SIPA1L1: variants seen among roughly 807,000 people sequenced by gnomAD.
SIPA1L1 encodes the protein signal-induced proliferation-associated 1-like protein 1.
A neutral mutation model predicts 162.7 loss-of-function variants in SIPA1L1; 26 were observed. That is an observed-to-expected ratio of 0.16 (90% CI 0.12 to 0.22). The LOEUF (loss-of-function observed/expected upper bound fraction) is 0.22, where lower values mean the gene tolerates loss of function less well. SIPA1L1 is among the 10% of genes least tolerant of loss of function. SIPA1L1 has a pLI of 1.00. For synonymous variants in SIPA1L1, 829 were observed against 837.4 expected (o/e 0.99, Z 0.17); for missense variants, 1,874 against 2,241.0 (o/e 0.84, Z 3.31).
At chr14:71,331,474 A>T (rs753191942) in intron 2 of SIPA1L1, among the ~76,000 whole-genome samples, 1 of 152,230 alleles carries the variant, frequency 6.6e-6, no homozygotes, top group Admixed American at 6.5e-5. Flanking sequence ...GAGGCTACCA[A>T]TTGGCAAGGA....
intron 2 of SIPA1L1, among the ~76,000 whole-genome samples, chr14:71,364,918 G>A (rs986221284): frequency 3.3e-5 from 5 of 151,908 alleles, no homozygotes; most frequent in Admixed American, 3.3e-4. Context: ...GCTAATTTTT[G>A]TATTTTTAGT....
intron 2 of SIPA1L1, among the ~76,000 whole-genome samples, chr14:71,453,560 C>T (rs1297490014): frequency 6.6e-6 from 1 of 152,174 alleles, no homozygotes; most frequent in East Asian, 1.9e-4. Context: ...GCATTTGAGA[C>T]TTAAGTCTGA....
At chr14:71,710,743 G>A (rs1054400518) in intron 17 of SIPA1L1, among the ~76,000 whole-genome samples, 2 of 150,910 alleles carry the variant, frequency 1.3e-5, no homozygotes, top group Admixed American at 6.6e-5. Flanking sequence ...AGGAGGCAGA[G>A]GTTGCGGTGA....
chr14:71,462,216 T>C (rs796680978), intron 2 of SIPA1L1, among the ~76,000 whole-genome samples: 8 of 151,822 alleles, frequency 5.3e-5, no homozygotes, highest in African/African-American at 1.9e-4. Flanking sequence ...AAAAGGAGAG[T>C]AGTTACCTGC....
chr14:71,488,871 A>G (rs1467363543), intron 2 of SIPA1L1, among the ~76,000 whole-genome samples: 3 of 152,164 alleles, frequency 2.0e-5, no homozygotes, highest in African/African-American at 7.2e-5. Flanking sequence ...TTTTATACTG[A>G]GCACTCGGAA....
chr14:71,551,258 G>A (rs1199351751), intron 4 of SIPA1L1, among the ~76,000 whole-genome samples: 1 of 152,192 alleles, frequency 6.6e-6, no homozygotes, highest in Non-Finnish European at 1.5e-5. Context: ...TGTGTCTAGG[G>A]TAATGAGCTC....
chr14:71,618,640 A>G (rs564503990), intron 5 of SIPA1L1, 117 bp from the exon 6 acceptor site: 1 of 897,342 alleles, frequency 1.1e-6, no homozygotes, highest in African/African-American at 1.7e-5. Flanking sequence ...TATTTGTTAA[A>G]TGTTTACATT....
At chr14:71,699,517 G>A (rs539196380) in intron 14 of SIPA1L1, among the ~76,000 whole-genome samples, 2 of 152,166 alleles carry the variant, frequency 1.3e-5, no homozygotes, top group Non-Finnish European at 2.9e-5. Context: ...AAGACATAGG[G>A]CGTGTTCTAC....
intron 7 of SIPA1L1, among the ~76,000 whole-genome samples, chr14:71,646,070 GT>G (rs1247415577): frequency 6.6e-6 from 1 of 152,088 alleles, no homozygotes; most frequent in Admixed American, 6.5e-5. Flanking sequence ...TGAGAACTTG[GT>G]TATTCACATC....
intron 2 of SIPA1L1, among the ~76,000 whole-genome samples, chr14:71,434,587 G>A (rs1384091982): frequency 6.6e-6 from 1 of 151,944 alleles, no homozygotes; most frequent in Non-Finnish European, 1.5e-5. Context: ...TCTTTTGTTT[G>A]GTTTTGTTTG....
At position 71,376,058 on chromosome 14, in the gene SIPA1L1, G is replaced by A. The variant is rs1275557700; in HGVS notation, c.-465+54877G>A. ...GCATTATGCTATCCTTATAAAATGA[G>A]TTGGGCTTTGATCCCTTTTCTGTTT... On this transcript the variant is annotated intron_variant, in intron 2 of 23. Transcript: ENST00000381232. Among the ~76,000 whole-genome samples, 9 of 152,072 alleles carry A rather than the reference G, an allele frequency of 5.9e-5. No individual in the cohort carries two copies. The East Asian group carries it at 1.7e-3, about 29-fold the overall frequency.
intron 2 of SIPA1L1, among the ~76,000 whole-genome samples, chr14:71,384,175 G>C (rs2040135331): frequency 6.6e-6 from 1 of 152,226 alleles, no homozygotes; most frequent in African/African-American, 2.4e-5. Flanking sequence ...ATAAAGATCA[G>C]ATAAGTCCAA....
chr14:71,559,066 T>A (rs1019520082), intron 4 of SIPA1L1, among the ~76,000 whole-genome samples: 2 of 139,636 alleles, frequency 1.4e-5, no homozygotes, highest in African/African-American at 5.6e-5. Context: ...TCAGCTTTAC[T>A]TTTTTTTTTT....
chr14:71,467,605 A>G (rs759537532), intron 2 of SIPA1L1, among the ~76,000 whole-genome samples: 1 of 152,214 alleles, frequency 6.6e-6, no homozygotes, highest in Non-Finnish European at 1.5e-5. Context: ...TTGGTGCCAC[A>G]GCTTAAAAAC....
chr14:71,398,908 G>A (rs2041442147), intron 2 of SIPA1L1, among the ~76,000 whole-genome samples: 1 of 152,152 alleles, frequency 6.6e-6, no homozygotes, highest in South Asian at 2.1e-4. Flanking sequence ...TTTTTGCTCA[G>A]AACCTTATAC....
chr14:71,709,796 G>A, intron 17 of SIPA1L1, 132 bp downstream of exon 17: 1 of 678,384 alleles, frequency 1.5e-6, no homozygotes, highest in Non-Finnish European at 2.4e-6. Flanking sequence ...ATTTTTATAT[G>A]TTTAATGCCC....
intron 2 of SIPA1L1, chr14:71,321,438 G>A (rs1390868080): frequency 6.6e-5 from 10 of 152,306 alleles, no homozygotes; most frequent in Admixed American, 6.5e-4. Context: ...GCGTCTCTGC[G>A]GGAGGCCAGG....
chr14:71,639,709 A>T (rs573737502), intron 7 of SIPA1L1, among the ~76,000 whole-genome samples: 1 of 152,216 alleles, frequency 6.6e-6, no homozygotes, highest in African/African-American at 2.4e-5. Context: ...ACTGTGTGGC[A>T]TTGCTGGAAA....
chr14:71,589,462 A>G (rs1173266315), intron 5 of SIPA1L1, 92 bp downstream of exon 5: 4 of 728,386 alleles, frequency 5.5e-6, no homozygotes, highest in Non-Finnish European at 6.5e-6. Context: ...ACAATGTGAC[A>G]TAAGATTTGC....
Sources: gnomAD v4.1 joint callset for allele counts (sites outside exome capture counted in the v4.1 genomes callset) on GRCh38, gnomAD v4.1.1 for gene constraint, MANE v1.5 for transcripts, NCBI Gene and HGNC (gene_info 2026-07-23, HGNC 2026-07-21) for gene names.